Variants in STK32B observed in about 807,000 individuals in gnomAD.
STK32B encodes serine/threonine-protein kinase 32B.
In STK32B, 43 loss-of-function variants were observed where a neutral mutation model predicts 52.6. The observed-to-expected ratio is 0.82, with a 90% CI of 0.64 to 1.05. STK32B has a LOEUF of 1.05. Ranked by LOEUF, STK32B falls within the 50% of genes least tolerant of loss-of-function variation. The pLI is 0.00. For synonymous variants in STK32B, 238 were observed against 204.3 expected (o/e 1.17, Z -1.41); for missense variants, 621 against 534.6 (o/e 1.16, Z -1.59).
chr4:5,099,372 C>G (rs570846769), intron 1 of STK32B, among the ~76,000 whole-genome samples: 1 of 152,082 alleles, frequency 6.6e-6, no homozygotes, highest in Non-Finnish European at 1.5e-5. Context: ...TAGAGAGATT[C>G]TGCTAAACTG....
At chr4:5,488,956 T>G (rs909304421) in intron 11 of STK32B, among the ~76,000 whole-genome samples, 1 of 152,072 alleles carries the variant, frequency 6.6e-6, no homozygotes, top group Admixed American at 6.5e-5. Context: ...TTTTTATATT[T>G]TATATACAGA....
chr4:5,435,107 G>T (rs1713941505), intron 6 of STK32B, among the ~76,000 whole-genome samples: 1 of 152,210 alleles, frequency 6.6e-6, no homozygotes, highest in African/African-American at 2.4e-5. Flanking sequence ...CTGCACGAAT[G>T]CTGTGGACAT....
intron 3 of STK32B, among the ~76,000 whole-genome samples, chr4:5,314,477 C>G (rs1048388440): frequency 1.3e-5 from 2 of 152,162 alleles, no homozygotes; most frequent in African/African-American, 4.8e-5. Flanking sequence ...CAAGACCAGC[C>G]TGGGCAACAC....
intron 2 of STK32B, among the ~76,000 whole-genome samples, chr4:5,146,372 G>T (rs1382436706): frequency 2.0e-5 from 3 of 152,206 alleles, no homozygotes; most frequent in Admixed American, 6.5e-5. Flanking sequence ...GTAAGTCCAA[G>T]AATCCAAAAG....
intron 5 of STK32B, among the ~76,000 whole-genome samples, chr4:5,406,654 C>G (rs1156685178): frequency 6.6e-6 from 1 of 152,188 alleles, no homozygotes; most frequent in African/African-American, 2.4e-5. Flanking sequence ...GGCTTGCACC[C>G]TTTGGAGCAG....
chr4:5,271,710 G>A (rs1484592656), intron 3 of STK32B, among the ~76,000 whole-genome samples: 1 of 146,030 alleles, frequency 6.8e-6, no homozygotes, highest in Non-Finnish European at 1.5e-5. Context: ...TCCTTGAAGA[G>A]GTCCTTCACA....
At chr4:5,127,618 T>G (rs1409780412) in intron 1 of STK32B, among the ~76,000 whole-genome samples, 3 of 112,430 alleles carry the variant, frequency 2.7e-5, no homozygotes, top group African/African-American at 1.0e-4. Flanking sequence ...AAATCCTGGA[T>G]TTAGAATGGC....
chr4:5,219,619 C>T (rs886803306), intron 3 of STK32B, among the ~76,000 whole-genome samples: 1 of 152,238 alleles, frequency 6.6e-6, no homozygotes, highest in Non-Finnish European at 1.5e-5. Flanking sequence ...TGGGTGCCCT[C>T]CTCAGGGCAG....
chr4:5,260,600 A>G (rs1726649225), intron 3 of STK32B, among the ~76,000 whole-genome samples: 1 of 152,174 alleles, frequency 6.6e-6, no homozygotes, highest in African/African-American at 2.4e-5. Context: ...GGCCTTCTGG[A>G]AAAGGAGAGA....
intron 3 of STK32B, among the ~76,000 whole-genome samples, chr4:5,271,682 A>G (rs935788153): frequency 2.0e-5 from 3 of 146,832 alleles, no homozygotes; most frequent in Non-Finnish European, 2.9e-5. Context: ...TATTTCCTTG[A>G]GCAGTGGTTT....
At chr4:5,125,274 A>C (rs1282669946) in intron 1 of STK32B, among the ~76,000 whole-genome samples, 1 of 152,240 alleles carries the variant, frequency 6.6e-6, no homozygotes, top group African/African-American at 2.4e-5. Flanking sequence ...TGACCTACAG[A>C]ACAGTGAGTT....
chr4:5,453,980 T>TCCCTGC lies in STK32B; in HGVS notation c.667-2821_667-2816dup, dbSNP rs61664341. On this transcript the variant is annotated intron_variant, in intron 7 of 11. Transcript: ENST00000282908. This position sits in a 1 kb window ranked among gnomAD's most constrained non-coding sequence, Gnocchi z 4.0. ...GTAGCCCTGAGCTCTGGGTCTCCTGTCCCTGCCCCTGTGGAAATTATAGAG... is the reference window on the plus strand; with the variant it reads ...GTAGCCCTGAGCTCTGGGTCTCCTGTCCCTGCCCCTGCCCCTGTGGAAATTATAGAG... 0.056 allele frequency among the ~76,000 whole-genome samples: 8,458 copies of TCCCTGC among 152,138 alleles called. 443 individuals are homozygous for TCCCTGC. Among genetic ancestry groups the TCCCTGC allele is most frequent in the African/African-American group, 0.14 (5,665 of 41,470 alleles).
chr4:5,188,284 A>G (rs1208547850), intron 3 of STK32B, among the ~76,000 whole-genome samples: 5 of 152,194 alleles, frequency 3.3e-5, no homozygotes, highest in African/African-American at 1.2e-4. Flanking sequence ...CATCCCAAAG[A>G]GCCGCAGAAA....
At chr4:5,316,239 A>ATATATTG (rs1318761508) in intron 3 of STK32B, among the ~76,000 whole-genome samples, 1 of 63,234 alleles carries the variant, frequency 1.6e-5, no homozygotes, top group Non-Finnish European at 2.4e-5. Flanking sequence ...ATACAATATT[A>ATATATTG]TATATTGTAT....
chr4:5,335,103 G>A (rs1215700291), intron 4 of STK32B, among the ~76,000 whole-genome samples: 3 of 152,192 alleles, frequency 2.0e-5, no homozygotes, highest in Admixed American at 2.0e-4. Flanking sequence ...AATCCATCTG[G>A]TCCTGGACTC....
intron 3 of STK32B, among the ~76,000 whole-genome samples, chr4:5,239,377 A>AG (rs1724849646): frequency 6.6e-6 from 1 of 152,132 alleles, no homozygotes; most frequent in South Asian, 2.1e-4. Context: ...GGCAGGCAGG[A>AG]GGTCGGCACC....
chr4:5,445,626 C>T (rs1436291303), intron 6 of STK32B, among the ~76,000 whole-genome samples: 1 of 152,152 alleles, frequency 6.6e-6, no homozygotes. Context: ...CACTCTTGGG[C>T]CTCCATCCCC....
At chr4:5,295,027 A>G (rs1729107943) in intron 3 of STK32B, among the ~76,000 whole-genome samples, 2 of 152,234 alleles carry the variant, frequency 1.3e-5, no homozygotes, top group South Asian at 4.1e-4. Flanking sequence ...ATCTATTGAG[A>G]TAGTCATGTG....
intron 1 of STK32B, among the ~76,000 whole-genome samples, chr4:5,129,671 C>T (rs1577088508): frequency 6.6e-6 from 1 of 152,104 alleles, no homozygotes; most frequent in Non-Finnish European, 1.5e-5. Context: ...TCTTGTGTGC[C>T]TCAACCTTTA....
Sources: gnomAD v4.1 joint callset for allele counts (sites outside exome capture counted in the v4.1 genomes callset) on GRCh38, gnomAD v4.1.1 for gene constraint, Gnocchi (gnomAD v3.1) non-coding constraint, MANE v1.5 for transcripts, NCBI Gene and HGNC (gene_info 2026-07-23, HGNC 2026-07-21) for gene names.